Variants in CUL1 observed in about 807,000 individuals in gnomAD.
CUL1 encodes the protein cullin 1.
Under a neutral mutation model 118.0 loss-of-function variants are expected in CUL1, and 24 were observed. The observed-to-expected ratio is 0.20, with a 90% CI of 0.15 to 0.29. The LOEUF (loss-of-function observed/expected upper bound fraction) is 0.29, where lower values mean the gene tolerates loss of function less well. CUL1 is among the 10% of genes least tolerant of loss of function. CUL1 has a pLI of 1.00. For synonymous variants in CUL1, 332 were observed against 340.4 expected, an observed-to-expected ratio of 0.98 and a Z score of 0.27; for missense variants, 361 against 933.8, an observed-to-expected ratio of 0.39 and a Z score of 7.99.
At chr7:148,755,149 T>A (rs1473795707) in intron 3 of CUL1, among the ~76,000 whole-genome samples, 1 of 152,184 alleles carries the variant, frequency 6.6e-6, no homozygotes, top group African/African-American at 2.4e-5. Context: ...TCCCTCCCAC[T>A]CCAAGCCTTT....
At position 148,786,639 on chromosome 7, in the gene CUL1, T is replaced by C. The variant is rs761277942; in HGVS notation, c.1347+40T>C. 3.3e-6 allele frequency: 5 copies of C among 1,523,088 alleles called. No homozygotes were observed. In the Admixed American group the frequency reaches 5.2e-5, roughly 16 times the overall value. 94.3% of individuals were successfully genotyped at this position (1,523,088 alleles called of 1,614,324 possible). On this transcript the variant is annotated intron_variant, in intron 12 of 21. Coordinates refer to ENST00000325222, the MANE Select transcript of CUL1 (RefSeq NM_003592.3). ...AGCATACCCATTTCCAGTAGCTGTG[T>C]ATTTCACAAGCTGTTTGTAATGTTA...
chr7:148,759,516 C>G, intron 5 of CUL1, 32 bp from the exon 6 acceptor site: 2 of 1,423,892 alleles, frequency 1.4e-6, no homozygotes, highest in Non-Finnish European at 2.0e-6. Flanking sequence ...ATTCTATAAC[C>G]TGTGTAATAT....
intron 1 of CUL1, among the ~76,000 whole-genome samples, chr7:148,712,868 C>T (rs1486050780): frequency 6.6e-6 from 1 of 152,182 alleles, no homozygotes; most frequent in East Asian, 1.9e-4. Flanking sequence ...CAATTTGTCA[C>T]TGTGTACTGT....
intron 1 of CUL1, among the ~76,000 whole-genome samples, chr7:148,727,749 G>C (rs181535722): frequency 1.1e-4 from 17 of 152,150 alleles, no homozygotes; most frequent in Non-Finnish European, 1.9e-4. Context: ...CTGTGGCGGG[G>C]AAAGGAGACT....
chr7:148,718,744 A>G (rs1798301526), intron 1 of CUL1, among the ~76,000 whole-genome samples: 1 of 152,056 alleles, frequency 6.6e-6, no homozygotes, highest in Non-Finnish European at 1.5e-5. Context: ...GGGGGTAGAT[A>G]TCTGGTAGAA....
intron 1 of CUL1, among the ~76,000 whole-genome samples, chr7:148,712,766 A>C (rs1479394272): frequency 6.6e-6 from 1 of 152,242 alleles, no homozygotes; most frequent in Admixed American, 6.5e-5. Context: ...GCAGAAGTTA[A>C]GGAATCTGAC....
At chr7:148,776,307 CTTTTTTTTTT>C (rs746777462) in intron 9 of CUL1, among the ~76,000 whole-genome samples, 6 of 40,690 alleles carry the variant, frequency 1.5e-4, no homozygotes, top group Middle Eastern at 0.036. Flanking sequence ...CATAACCAGG[CTTTTTTTTTT>C]TTTTTTTTTT....
At chr7:148,721,297 T>C (rs538070718) in intron 1 of CUL1, among the ~76,000 whole-genome samples, 1 of 152,348 alleles carries the variant, frequency 6.6e-6, no homozygotes, top group Non-Finnish European at 1.5e-5. Context: ...TGAGCACTTC[T>C]TCCCAAACCC....
chr7:148,786,744 G>GT, intron 12 of CUL1, 145 bp downstream of exon 12: 1 of 829,558 alleles, frequency 1.2e-6, no homozygotes, highest in Non-Finnish European at 1.9e-6. Context: ...CCTAAATTGA[G>GT]TTACTACTTT....
chr7:148,794,115 C>T (rs184336386), intron 17 of CUL1, among the ~76,000 whole-genome samples: 5 of 151,586 alleles, frequency 3.3e-5, no homozygotes, highest in African/African-American at 1.2e-4. Context: ...GTTGTTGAGT[C>T]GTAAGAATTC....
At chr7:148,740,198 G>T (rs1481047757) in intron 2 of CUL1, among the ~76,000 whole-genome samples, 2 of 151,880 alleles carry the variant, frequency 1.3e-5, no homozygotes, top group Admixed American at 1.3e-4. Flanking sequence ...GATTACAGAC[G>T]CACGCCACCA....
At chr7:148,764,108 C>T (rs1799927893) in intron 7 of CUL1, among the ~76,000 whole-genome samples, 1 of 152,130 alleles carries the variant, frequency 6.6e-6, no homozygotes. Flanking sequence ...TTTTTAAAAA[C>T]TTTAAAAATA....
At chr7:148,726,358 G>A (rs890191874) in intron 1 of CUL1, among the ~76,000 whole-genome samples, 8 of 151,340 alleles carry the variant, frequency 5.3e-5, no homozygotes, top group African/African-American at 1.9e-4. Flanking sequence ...TTGTTGCACA[G>A]TTTATCTTGG....
chr7:148,728,496 T>C (rs1798656388), intron 1 of CUL1, among the ~76,000 whole-genome samples: 1 of 152,152 alleles, frequency 6.6e-6, no homozygotes, highest in South Asian at 2.1e-4. Flanking sequence ...GTTATTATTA[T>C]AGGTGTGCTG....
At chr7:148,718,564 T>A (rs75408572) in intron 1 of CUL1, among the ~76,000 whole-genome samples, 1 of 152,136 alleles carries the variant, frequency 6.6e-6, no homozygotes, top group African/African-American at 2.4e-5. Context: ...ATTTTTTTTT[T>A]ATTGCCAAAT....
chr7:148,698,895 G>T (rs1797613003), upstream of CUL1: 1 of 154,700 alleles, frequency 6.5e-6, no homozygotes, highest in Non-Finnish European at 1.4e-5. Context: ...CGTGTCGCAC[G>T]CAGCTCCAGG....
intron 1 of CUL1, among the ~76,000 whole-genome samples, chr7:148,725,493 T>G (rs886613119): frequency 6.6e-6 from 1 of 152,130 alleles, no homozygotes; most frequent in Non-Finnish European, 1.5e-5. Flanking sequence ...TGTTACAGAG[T>G]TCCCTGCCAG....
At chr7:148,781,764 G>A (rs1300407042) in intron 9 of CUL1, among the ~76,000 whole-genome samples, 2 of 152,246 alleles carry the variant, frequency 1.3e-5, no homozygotes, top group African/African-American at 4.8e-5. Context: ...GGGAAGCCGT[G>A]CAGGCCGAGT....
intron 2 of CUL1, among the ~76,000 whole-genome samples, chr7:148,738,218 T>C (rs948476688): frequency 1.3e-5 from 2 of 152,188 alleles, no homozygotes; most frequent in Non-Finnish European, 2.9e-5. Flanking sequence ...GCTCACTTTA[T>C]ATTACGTTAG....
Sources: gnomAD v4.1 joint callset for allele counts (sites outside exome capture counted in the v4.1 genomes callset) on GRCh38, gnomAD v4.1.1 for gene constraint, MANE v1.5 for transcripts, NCBI Gene and HGNC (gene_info 2026-07-23, HGNC 2026-07-21) for gene names.